TMEM17: variants seen among roughly 807,000 people sequenced by gnomAD.
TMEM17 encodes transmembrane protein 17.
In TMEM17, 15 loss-of-function variants were observed where a neutral mutation model predicts 19.1. The observed-to-expected ratio is 0.78, with a 90% CI of 0.52 to 1.21. The LOEUF (loss-of-function observed/expected upper bound fraction) is 1.21. TMEM17 is among the 50% of genes most tolerant of loss of function. The pLI, the probability that TMEM17 is intolerant of heterozygous loss-of-function variation, is 0.00. For synonymous variants in TMEM17, 103 were observed against 86.9 expected (o/e 1.19, Z -1.03); for missense variants, 245 against 242.3 (o/e 1.01, Z -0.07).
chr2:62,502,109 A>G (rs1679944752), intron 3 of TMEM17: 1 of 173,794 alleles, frequency 5.8e-6, no homozygotes, highest in African/African-American at 2.4e-5. Context: ...CCAAATACAC[A>G]TGTTTAAGTA....
chr2:62,487,271 A>G, the TMEM17 span, among the ~76,000 whole-genome samples: 1 of 152,144 alleles, frequency 6.6e-6, no homozygotes, highest in Admixed American at 6.5e-5. Context: ...TCCTTCTTCA[A>G]AGCCAGTCAT....
the TMEM17 span, among the ~76,000 whole-genome samples, chr2:62,460,262 A>G: frequency 6.6e-6 from 1 of 152,214 alleles, no homozygotes; most frequent in South Asian, 2.1e-4. Flanking sequence ...AGATGATGGA[A>G]TTGAGGCTCC....
At chr2:62,500,008 A>C (rs1679877989), downstream of TMEM17, among the ~76,000 whole-genome samples, 1 of 152,204 alleles carries the variant, frequency 6.6e-6, no homozygotes, top group Non-Finnish European at 1.5e-5. Context: ...TGGTTTCCAA[A>C]TCAAGCCTCA....
chr2:62,468,259 G>A, the TMEM17 span, among the ~76,000 whole-genome samples: 3 of 152,190 alleles, frequency 2.0e-5, 1 homozygote, highest in Non-Finnish European at 2.9e-5. Context: ...CCAGGGCTGA[G>A]CAAAGAGAGA....
downstream of TMEM17, among the ~76,000 whole-genome samples, chr2:62,497,760 C>T (rs748841507): frequency 6.6e-6 from 1 of 152,206 alleles, no homozygotes; most frequent in Non-Finnish European, 1.5e-5. Context: ...CAATGTGGAG[C>T]ACAGTGAATG....
the TMEM17 span, among the ~76,000 whole-genome samples, chr2:62,493,377 A>G: frequency 6.6e-6 from 1 of 152,190 alleles, no homozygotes; most frequent in Admixed American, 6.5e-5. Context: ...TCATGATCAG[A>G]TTTGGTTTTA....
chr2:62,474,327 C>T, the TMEM17 span, among the ~76,000 whole-genome samples: 3 of 152,172 alleles, frequency 2.0e-5, no homozygotes, highest in Admixed American at 6.5e-5. Flanking sequence ...AGAATAGCTC[C>T]ATTTCCCTGA....
chr2:62,462,227 T>C, the TMEM17 span, among the ~76,000 whole-genome samples: 1 of 152,166 alleles, frequency 6.6e-6, no homozygotes, highest in Non-Finnish European at 1.5e-5. Context: ...GACCTCCCTT[T>C]GCCGCCATAG....
chr2:62,462,636 G>C, the TMEM17 span, among the ~76,000 whole-genome samples: 1 of 152,182 alleles, frequency 6.6e-6, no homozygotes, highest in African/African-American at 2.4e-5. Context: ...CACTTGAGCT[G>C]AAAAGGCCCC....
downstream of TMEM17, among the ~76,000 whole-genome samples, chr2:62,497,127 A>G (rs534744563): frequency 2.5e-4 from 38 of 152,338 alleles, no homozygotes; most frequent in African/African-American, 9.1e-4. Context: ...ACACTATAGT[A>G]GGTTCTATTC....
chr2:62,478,680 C>A, the TMEM17 span, among the ~76,000 whole-genome samples: 5 of 152,020 alleles, frequency 3.3e-5, no homozygotes, highest in Non-Finnish European at 7.3e-5. Context: ...AGATGCTGGT[C>A]CCATTTATTT....
chr2:62,498,989 T>C (rs1005605549), downstream of TMEM17, among the ~76,000 whole-genome samples: 1 of 152,142 alleles, frequency 6.6e-6, no homozygotes, highest in Non-Finnish European at 1.5e-5. Flanking sequence ...TATATTCCAA[T>C]AGAAAATATT....
chr2:62,496,816 G>A (rs938672748), downstream of TMEM17, among the ~76,000 whole-genome samples: 10 of 152,162 alleles, frequency 6.6e-5, no homozygotes, highest in African/African-American at 2.4e-4. Context: ...ATAATCTAAT[G>A]GCTGGGTGTG....
At chr2:62,468,740 G>A in the TMEM17 span, among the ~76,000 whole-genome samples, 1 of 152,216 alleles carries the variant, frequency 6.6e-6, no homozygotes, top group Non-Finnish European at 1.5e-5. Context: ...AAGGATGCTT[G>A]TATTTGTGTT....
At chr2:62,465,568 G>A in the TMEM17 span, among the ~76,000 whole-genome samples, 2 of 151,544 alleles carry the variant, frequency 1.3e-5, no homozygotes, top group Non-Finnish European at 1.5e-5. Flanking sequence ...AGCTCAGGAT[G>A]GGCAGCATAG....
In TMEM17 at chr2:62,501,057, A is replaced by C. The variant is rs1487752964; in HGVS notation, c.*152T>G. On this transcript the variant is annotated 3_prime_UTR_variant, in exon 4 of 4. Coordinates refer to ENST00000335390, the MANE Select transcript of TMEM17 (RefSeq NM_198276.3). Reference sequence around the variant, plus strand: ...ATATACTGTTTCATATACTGTACAAAGTTTCATCATTGCCCCCAACCTTGG... The same window carrying C: ...ATATACTGTTTCATATACTGTACAACGTTTCATCATTGCCCCCAACCTTGG... 3 of 825,288 alleles carry C rather than the reference A, an allele frequency of 3.6e-6. No homozygotes were observed. The East Asian group carries it at 7.7e-5, about 21-fold the overall frequency. The allele number at this position is 825,288 out of a possible 1,614,324, so 51.1% of individuals were successfully genotyped here. A position where few individuals can be genotyped will look rare whatever the true frequency, so the allele number is the denominator to read the frequency against.
the TMEM17 span, among the ~76,000 whole-genome samples, chr2:62,461,699 A>G: frequency 6.6e-6 from 1 of 152,044 alleles, no homozygotes; most frequent in Non-Finnish European, 1.5e-5. Context: ...GACCCCCTGA[A>G]CCTGATCTCA....
chr2:62,486,288 A>G, the TMEM17 span, among the ~76,000 whole-genome samples: 1 of 144,828 alleles, frequency 6.9e-6, no homozygotes, highest in Non-Finnish European at 1.6e-5. Flanking sequence ...AGATGTGGAC[A>G]AAAATCAGTT....
At chr2:62,483,145 G>C in the TMEM17 span, among the ~76,000 whole-genome samples, 1 of 152,262 alleles carries the variant, frequency 6.6e-6, no homozygotes, top group Non-Finnish European at 1.5e-5. Context: ...AGGGCTGTCT[G>C]ATTCCAAAGT....
Sources: allele counts gnomAD v4.1 joint callset (sites outside exome capture counted in the v4.1 genomes callset), GRCh38; gene constraint gnomAD v4.1.1; transcripts MANE v1.5; gene names NCBI Gene and HGNC (gene_info 2026-07-23, HGNC 2026-07-21).